ZNF773: variants seen among roughly 807,000 people sequenced by gnomAD.
ZNF773 encodes the protein zinc finger protein 773.
A neutral mutation model predicts 12.8 loss-of-function variants in ZNF773; 11 were observed. The observed-to-expected ratio is 0.86, with a 90% confidence interval of 0.54 to 1.42. The LOEUF (loss-of-function observed/expected upper bound fraction) is 1.42, where lower values mean the gene tolerates loss of function less well. Ranked by LOEUF, ZNF773 falls within the 40% of genes most tolerant of loss-of-function variation. The pLI, the probability that ZNF773 is intolerant of heterozygous loss-of-function variation, is 0.00. For missense variants in ZNF773, 518 were observed against 527.2 expected, an observed-to-expected ratio of 0.98 and a Z score of 0.17; for synonymous variants, 175 against 178.4, an observed-to-expected ratio of 0.98 and a Z score of 0.15.
At chr19:57,500,689 T>C (rs1225290018) in intron 1 of ZNF773, among the ~76,000 whole-genome samples, 1 of 152,110 alleles carries the variant, frequency 6.6e-6, no homozygotes, top group Non-Finnish European at 1.5e-5. Context: ...CCATTCTGGA[T>C]TTTTATTTGT....
chr19:57,500,102 G>A lies in ZNF773; in HGVS notation c.22G>A (p.Asp8Asn). The A allele has an allele frequency of 1.2e-6, 2 of 1,605,652 alleles. No homozygotes were observed. Among genetic ancestry groups the A allele is most frequent in the Non-Finnish European group, 1.7e-6 (2 of 1,177,606 alleles). ...TCCGATGGCGGCGGCCACGCTGAGG[G>A]ACCCCGCTCAGGTGAGCGCCGCGTC... MAAATLR[D>N]PAQQGYVTFE... The change falls in exon 1 of 4, where the codon GAC (aspartate) becomes AAC (asparagine). Residue 8 changes from aspartate to asparagine, a missense_variant. By Grantham distance (23) the Asp-to-Asn change is conservative. Coordinates refer to ENST00000282292, the MANE Select transcript of ZNF773 (RefSeq NM_198542.3).
intron 2 of ZNF773, 21 bp downstream of exon 2, chr19:57,504,807 C>T: frequency 6.2e-7 from 1 of 1,608,932 alleles, no homozygotes; most frequent in Non-Finnish European, 8.5e-7. Context: ...CACACCCCAC[C>T]CCAGCATCCT....
Position 57,506,440 on chromosome 19 carries a change from C to T in ZNF773, c.345C>T (p.His115=), listed in dbSNP as rs1196682242. The change falls in exon 4 of 4, where the codon CAC becomes CAT. Residue 115 remains histidine (H), a synonymous_variant. Transcript: ENST00000282292. The part of the protein sequence containing the change: ...VEVPSSNVQQ[H]QKQHCGEKPL... ...TGCCCAGTTCAAACGTTCAGCAACA[C>T]CAGAAGCAGCACTGTGGAGAGAAAC... 8 of 1,614,074 alleles carry T rather than the reference C, an allele frequency of 5.0e-6. No homozygotes were observed. In the Admixed American group the frequency reaches 8.3e-5, roughly 17 times the overall value.
At chr19:57,509,692 A>T (rs1266509688), downstream of ZNF773, among the ~76,000 whole-genome samples, 4 of 152,224 alleles carry the variant, frequency 2.6e-5, no homozygotes. Flanking sequence ...TCACTGGGTG[A>T]AAATCAAAGT....
At position 57,508,171 on chromosome 19, in the gene ZNF773, A is replaced by G; in HGVS notation, c.*747A>G. 3.1e-6 allele frequency: 3 copies of G among 982,668 alleles called. No homozygotes were observed. The highest frequency in any genetic ancestry group is 3.6e-6 in the Non-Finnish European group (3 of 824,780). The allele number at this position is 982,668 out of a possible 1,614,324, so 60.9% of individuals were successfully genotyped here. A position where few individuals can be genotyped will look rare whatever the true frequency, so the allele number is the denominator to read the frequency against. ...AAAAAAAAAAAAACAAAAAAAACCC[A>G]GAAACTCTGAGGGTGATCTTTATGA... On this transcript the variant is annotated 3_prime_UTR_variant, in exon 4 of 4. Transcript: ENST00000282292.
At chr19:57,513,318 G>T (rs2089811508), downstream of ZNF773, 1 of 328,456 alleles carries the variant, frequency 3.0e-6, no homozygotes, top group Non-Finnish European at 5.5e-6. Context: ...GCTGCAGGAG[G>T]TTATCACGCA....
In ZNF773 at chr19:57,507,891, T is replaced by C. The variant is rs2089759624; in HGVS notation, c.*467T>C. On this transcript the variant is annotated 3_prime_UTR_variant, in exon 4 of 4. Transcript: ENST00000282292. Reference sequence around the variant, plus strand: ...AGGAGGCTGAGGCAGAAGAATGGCATGAACCTAGGAGGCAGAGTTTGCGGT... The same window carrying C: ...AGGAGGCTGAGGCAGAAGAATGGCACGAACCTAGGAGGCAGAGTTTGCGGT... 4.7e-6 allele frequency: 1 copy of C among 210,954 alleles called. No homozygotes were observed. The highest frequency in any genetic ancestry group is 8.4e-6 in the Non-Finnish European group (1 of 119,448). The allele number at this position is 210,954 out of a possible 1,614,324, so 13.1% of individuals were successfully genotyped here. A position where few individuals can be genotyped will look rare whatever the true frequency, so the allele number is the denominator to read the frequency against.
chr19:57,506,232 G>A, intron 3 of ZNF773, 126 bp from the exon 4 acceptor site: 3 of 1,455,030 alleles, frequency 2.1e-6, no homozygotes, highest in Non-Finnish European at 2.8e-6. Context: ...TCCCCACCAA[G>A]CGCTAGCCCC....
downstream of ZNF773, chr19:57,508,654 A>G: frequency 1.5e-6 from 1 of 649,816 alleles, no homozygotes; most frequent in Admixed American, 2.4e-5. Context: ...GGAATATATT[A>G]GATTTTCCAT....
At chr19:57,506,040 CCTTCTGTG>C (rs778082664) in intron 3 of ZNF773, among the ~76,000 whole-genome samples, 3 of 152,094 alleles carry the variant, frequency 2.0e-5, no homozygotes, top group Non-Finnish European at 4.4e-5. Context: ...CTGGATATAA[CCTTCTGTG>C]CCGTGTTCCT....
Position 57,505,308 on chromosome 19 carries a change from C to G in ZNF773, c.170C>G (p.Ala57Gly). 1 of 1,613,940 alleles carries G rather than the reference C, an allele frequency of 6.2e-7. No individual in the cohort carries two copies. The highest frequency in any genetic ancestry group is 8.5e-7 in the Non-Finnish European group (1 of 1,179,836). Residue 57 changes from alanine to glycine, a missense_variant, in exon 3 of 4, where the codon GCA (alanine) becomes GGA (glycine). By Grantham distance (60) the Ala-to-Gly change is moderately conservative. Transcript: ENST00000282292. ...CACCTGTCGTTTTCCTTAGGACTTGCATCTTCCAAGACCCATGAAATAACC... is the reference window on the plus strand; with the variant it reads ...CACCTGTCGTTTTCCTTAGGACTTGGATCTTCCAAGACCCATGAAATAACC... ...NFTLLASLGL[A>G]SSKTHEITQL...
downstream of ZNF773, among the ~76,000 whole-genome samples, chr19:57,512,730 G>A (rs2089805215): frequency 6.6e-6 from 1 of 152,154 alleles, no homozygotes; most frequent in South Asian, 2.1e-4. Context: ...CTACAACTGT[G>A]TCTGCAGCCA....
chr19:57,510,170 G>T (rs1255265938), downstream of ZNF773, among the ~76,000 whole-genome samples: 1 of 152,150 alleles, frequency 6.6e-6, no homozygotes, highest in Non-Finnish European at 1.5e-5. Context: ...AAGACATTTA[G>T]CAAATTGAAT....
rs2089742362 is a variant in ZNF773, at chr19:57,506,803, A to G, written c.708A>G (p.Ile236Met). The stretch of plus-strand genomic sequence containing the variant: ...TTAGCCATAAGTCCAACCTTTTTAT[A>G]CACCAAATAGTTCACACTGGAGAAA... ...KLFSHKSNLF[I>M]HQIVHTGERP... is the part of the protein sequence containing the mutation. Residue 236 changes from isoleucine to methionine, a missense_variant, in exon 4 of 4, where the codon ATA becomes ATG. Ile to Met is a conservative substitution (Grantham distance 10). Transcript: ENST00000282292. 23 of 1,614,220 alleles carry G rather than the reference A, an allele frequency of 1.4e-5. No homozygotes were observed. Among genetic ancestry groups the G allele is most frequent in the Non-Finnish European group, 1.9e-5 (23 of 1,180,032 alleles).
In ZNF773 at chr19:57,506,382, A is replaced by T. The variant is rs1449673853; in HGVS notation, c.287A>T (p.Glu96Val). 6.2e-7 allele frequency: 1 copy of T among 1,611,324 alleles called. No homozygotes were observed. The stretch of plus-strand genomic sequence containing the variant: ...GGTAGTTGGCAAGGAGCCAAGGCTG[A>T]GGCAGCTGCTGAGCAGAGTGCTTCT... ...LRGSWQGAKA[E>V]AAAEQSASVE... Residue 96 changes from glutamate (E) to valine (V), a missense_variant, in exon 4 of 4, where the codon GAG becomes GTG. Glu to Val is a moderately radical substitution (Grantham distance 121, BLOSUM62 -2). Transcript: ENST00000282292.
At position 57,507,797 on chromosome 19, in the gene ZNF773, A is replaced by T. The variant is rs1188886973; in HGVS notation, c.*373A>T. 1.6e-5 allele frequency: 12 copies of T among 742,288 alleles called. No homozygotes were observed. The highest frequency in any genetic ancestry group is 2.0e-5 in the Non-Finnish European group (12 of 595,832). The allele number at this position is 742,288 out of a possible 1,614,324, so 46.0% of individuals were successfully genotyped here. The stretch of plus-strand genomic sequence containing the variant: ...AAACCATCCTGGTTAACACAATGAA[A>T]CCACATCTCTACTAAAAATACAAAA... On this transcript the variant is annotated 3_prime_UTR_variant, in exon 4 of 4. Transcript: ENST00000282292.
At chr19:57,510,027 TAACAA>T (rs2089782737), downstream of ZNF773, among the ~76,000 whole-genome samples, 1 of 152,230 alleles carries the variant, frequency 6.6e-6, no homozygotes, top group Non-Finnish European at 1.5e-5. Context: ...GACAGAGCCT[TAACAA>T]AATTTTAGCA....
intron 1 of ZNF773, among the ~76,000 whole-genome samples, chr19:57,502,518 G>A (rs1489371609): frequency 6.6e-6 from 1 of 152,070 alleles, no homozygotes; most frequent in Non-Finnish European, 1.5e-5. Flanking sequence ...GGCTACACAG[G>A]GATTACGGCC....
At chr19:57,511,834 A>T (rs59728407), downstream of ZNF773, among the ~76,000 whole-genome samples, 4 of 151,934 alleles carry the variant, frequency 2.6e-5, no homozygotes, top group African/African-American at 9.7e-5. Context: ...ACAACATAAA[A>T]AATAAACTAT....
Sources: allele counts gnomAD v4.1 joint callset (sites outside exome capture counted in the v4.1 genomes callset), GRCh38; gene constraint gnomAD v4.1.1; transcripts MANE v1.5; gene names NCBI Gene and HGNC (gene_info 2026-07-23, HGNC 2026-07-21).